Variants in ARFGEF2 observed in about 807,000 individuals in gnomAD.
The protein encoded by ARFGEF2 is ARF guanine nucleotide exchange factor 2.
Under a neutral mutation model 219.9 loss-of-function variants are expected in ARFGEF2, and 74 were observed. The observed-to-expected ratio is 0.34, with a 90% CI of 0.28 to 0.41. The LOEUF is 0.41. ARFGEF2 is among the 10% of genes least tolerant of loss of function. The pLI is 1.00. For synonymous variants in ARFGEF2, 733 were observed against 799.2 expected, an observed-to-expected ratio of 0.92 and a Z score of 1.40; for missense variants, 1,743 against 2,218.3, an observed-to-expected ratio of 0.79 and a Z score of 4.30.
intron 30 of ARFGEF2, among the ~76,000 whole-genome samples, chr20:49,015,957 G>A (rs1326171225): frequency 6.6e-6 from 1 of 152,064 alleles, no homozygotes; most frequent in Non-Finnish European, 1.5e-5. Flanking sequence ...TGTAGCATAT[G>A]CATACATGAG....
At chr20:48,963,748 C>T (rs1013872294) in intron 6 of ARFGEF2, 82 bp from the exon 7 acceptor site, 2 of 1,371,150 alleles carry the variant, frequency 1.5e-6, no homozygotes, top group South Asian at 1.2e-5. Context: ...AAATGTAACT[C>T]CCCATAATCT....
chr20:48,935,959 T>C (rs1304707722), intron 1 of ARFGEF2, among the ~76,000 whole-genome samples: 177 of 32,810 alleles, frequency 5.4e-3, no homozygotes, highest in Middle Eastern at 0.029. Context: ...CTGACCCCCC[T>C]ACCTCCCTCC....
chr20:48,957,643 G>A lies in ARFGEF2; in HGVS notation c.838+3853G>A, dbSNP rs118053509. On this transcript the variant is annotated intron_variant, in intron 6 of 38. Transcript: ENST00000371917. The stretch of plus-strand genomic sequence containing the variant: ...TTGAAACTTAGATACAATGGACTTA[G>A]TAGTGGTTATCACAACATCCAGAAA... 7.2e-4 allele frequency among the ~76,000 whole-genome samples: 110 copies of A among 152,346 alleles called. 3 individuals carry two copies. The East Asian group carries it at 0.016, about 23-fold the overall frequency.
intron 21 of ARFGEF2, among the ~76,000 whole-genome samples, chr20:48,992,541 G>A (rs2091362864): frequency 6.6e-6 from 1 of 152,148 alleles, no homozygotes; most frequent in African/African-American, 2.4e-5. Flanking sequence ...GATGGCACAG[G>A]CAGGTTACTT....
intron 36 of ARFGEF2, among the ~76,000 whole-genome samples, chr20:49,027,676 A>T (rs2091611570): frequency 1.3e-5 from 2 of 152,080 alleles, no homozygotes; most frequent in African/African-American, 4.8e-5. Flanking sequence ...AGCCTGGGTG[A>T]CAGAGCAAGA....
Position 48,989,568 on chromosome 20 carries a change from C to T in ARFGEF2, c.2698C>T (p.Pro900Ser). 2 of 1,614,198 alleles carry T rather than the reference C, an allele frequency of 1.2e-6. No individual in the cohort carries two copies. Among genetic ancestry groups the T allele is most frequent in the Non-Finnish European group, 1.7e-6 (2 of 1,180,040 alleles). ...CCTTCCATGATAGCTGGTGTGGACG[C>T]CACTATTGGCAGCCTACAGCATCGG... is the stretch of plus-strand genomic sequence containing the variant. ...VRPMFKLVWTPLLAAYSIGLQ... is the reference protein window; with the variant it reads ...VRPMFKLVWTSLLAAYSIGLQ... The change falls in exon 20 of 39, where the codon CCA (proline) becomes TCA (serine). Residue 900 changes from proline to serine, a missense_variant. This residue lies in a region of ARFGEF2 where 666 missense variants were observed against 955.4 expected (regional missense o/e 0.70). Coordinates refer to ENST00000371917, the MANE Select transcript of ARFGEF2 (RefSeq NM_006420.3).
rs377495887 is a variant in ARFGEF2 at position 48,990,782 on chromosome 20, G to C, written c.2815-258G>C. On this transcript the variant is annotated intron_variant, in intron 20 of 38. Transcript: ENST00000371917. Reference sequence around the variant, plus strand: ...TATTCAACAGACATAGTGGAACATGGGACAGGTGAGTTTGACTGAAGTCAA... The same window carrying C: ...TATTCAACAGACATAGTGGAACATGCGACAGGTGAGTTTGACTGAAGTCAA... Among the ~76,000 whole-genome samples the C allele has an allele frequency of 9.8e-5, 15 of 152,288 alleles. 1 individual carries two copies. The highest frequency in any genetic ancestry group is 8.3e-4 in the South Asian group (4 of 4,824).
At chr20:48,981,464 G>T (rs2091295435) in intron 14 of ARFGEF2, among the ~76,000 whole-genome samples, 1 of 152,066 alleles carries the variant, frequency 6.6e-6, no homozygotes, top group Non-Finnish European at 1.5e-5. Flanking sequence ...ATGTCTTGGG[G>T]TTGCTCTTCT....
In ARFGEF2 at chr20:48,995,799, C is replaced by G; in HGVS notation, c.3138C>G (p.Gly1046=). Residue 1046 remains glycine, a synonymous_variant, in exon 23 of 39, where the codon GGC becomes GGG. Transcript: ENST00000371917. ...MGLGLGNLVS[G]GVDKRQMASF... The stretch of plus-strand genomic sequence containing the variant: ...GTGTTTCAGGTAATTTGGTGAGTGG[C>G]GGAGTGGATAAAAGACAGATGGCCA... The G allele has an allele frequency of 1.2e-6, 2 of 1,613,934 alleles. No homozygotes were observed. Among genetic ancestry groups the G allele is most frequent in the South Asian group, 2.2e-5 (2 of 91,058 alleles).
intron 27 of ARFGEF2, among the ~76,000 whole-genome samples, 197 bp downstream of exon 27, chr20:49,010,601 C>T (rs1164514029): frequency 2.0e-5 from 3 of 152,188 alleles, no homozygotes; most frequent in East Asian, 1.9e-4. Flanking sequence ...TCCTTGCCTT[C>T]TCTAAATGGC....
chr20:49,022,432 A>AAC (rs1568742801), intron 34 of ARFGEF2, among the ~76,000 whole-genome samples: 101 of 122,508 alleles, frequency 8.2e-4, no homozygotes, highest in African/African-American at 2.5e-3. Context: ...ACAACAACAA[A>AAC]AAAAAAAAAC....
At chr20:48,950,846 A>ATG (rs1555808095) in intron 3 of ARFGEF2, among the ~76,000 whole-genome samples, 1 of 115,338 alleles carries the variant, frequency 8.7e-6, no homozygotes, top group Non-Finnish European at 1.9e-5. Context: ...ATATATATAT[A>ATG]TGTATGTATA....
chr20:48,999,334 C>A (rs757915393), intron 25 of ARFGEF2: 80 of 390,964 alleles, frequency 2.0e-4, no homozygotes, highest in Non-Finnish European at 3.7e-4. Context: ...CCAGACTGAA[C>A]TTCTTCCTCG....
chr20:49,027,821 T>C (rs951640664), intron 36 of ARFGEF2, among the ~76,000 whole-genome samples: 3 of 152,226 alleles, frequency 2.0e-5, no homozygotes, highest in Non-Finnish European at 2.9e-5. Flanking sequence ...ACGATCTGTA[T>C]TAAGAATATA....
chr20:48,943,206 A>G (rs1228946746), intron 3 of ARFGEF2, among the ~76,000 whole-genome samples: 2 of 152,234 alleles, frequency 1.3e-5, no homozygotes, highest in African/African-American at 2.4e-5. Context: ...GTTTGACCTC[A>G]GGAACATGAA....
At chr20:48,996,564 A>G (rs981073162) in intron 23 of ARFGEF2, among the ~76,000 whole-genome samples, 1 of 151,698 alleles carries the variant, frequency 6.6e-6, no homozygotes, top group Non-Finnish European at 1.5e-5. Context: ...TGGTGAAACC[A>G]TGTCTCTACT....
chr20:48,930,080 T>C (rs2090903672), intron 1 of ARFGEF2, among the ~76,000 whole-genome samples: 1 of 152,218 alleles, frequency 6.6e-6, no homozygotes, highest in African/African-American at 2.4e-5. Flanking sequence ...TTTGTGCTGC[T>C]TTAACAGAAT....
intron 38 of ARFGEF2, among the ~76,000 whole-genome samples, 193 bp from the exon 39 acceptor site, chr20:49,032,830 C>T (rs541349145): frequency 1.1e-4 from 17 of 152,112 alleles, no homozygotes; most frequent in African/African-American, 2.9e-4. Flanking sequence ...TGAGCTCAAG[C>T]GATCCACCTG....
At chr20:49,031,220 CTTTTTTTTT>C (rs869105434) in intron 37 of ARFGEF2, among the ~76,000 whole-genome samples, 13 of 59,412 alleles carry the variant, frequency 2.2e-4, no homozygotes, top group Non-Finnish European at 3.1e-4. Flanking sequence ...TGAGTTTGGA[CTTTTTTTTT>C]TTTTTTTTTT....
Sources: allele counts gnomAD v4.1 joint callset (sites outside exome capture counted in the v4.1 genomes callset), GRCh38; gene constraint gnomAD v4.1.1; regional missense constraint gnomAD v4.1.1; transcripts MANE v1.5; gene names NCBI Gene and HGNC (gene_info 2026-07-23, HGNC 2026-07-21).